The following ZNF804B variants were observed in gnomAD, a reference collection of about 807,000 sequenced individuals.
The protein encoded by ZNF804B is zinc finger protein 804B.
Under a neutral mutation model 101.4 loss-of-function variants are expected in ZNF804B, and 80 were observed. The ratio of observed to expected loss-of-function variants is 0.79; its 90% CI spans 0.66 to 0.95. The LOEUF (loss-of-function observed/expected upper bound fraction) is 0.95, where lower values mean the gene tolerates loss of function less well. Among genes scored for constraint, ZNF804B ranks in the 40% least tolerant of loss-of-function variants. The probability of loss-of-function intolerance (pLI) is 0.00; values close to 1 mark genes in which losing one functional copy is unlikely to be tolerated. For missense variants in ZNF804B, 1,673 were observed against 1,561.9 expected (o/e 1.07, Z -1.20); for synonymous variants, 622 against 558.8 (o/e 1.11, Z -1.59).
At chr7:89,036,693 A>C (rs1471846413) in intron 1 of ZNF804B, among the ~76,000 whole-genome samples, 3 of 152,102 alleles carry the variant, frequency 2.0e-5, no homozygotes, top group East Asian at 1.9e-4. Flanking sequence ...TGGTGTGGAC[A>C]CCTGATTTCC....
intron 1 of ZNF804B, among the ~76,000 whole-genome samples, chr7:88,809,396 AACCTACCT>A (rs1790747472): frequency 1.3e-5 from 2 of 151,498 alleles, no homozygotes; most frequent in African/African-American, 2.4e-5. Context: ...CCAATCTACC[AACCTACCT>A]ACCTATCTAC....
intron 1 of ZNF804B, among the ~76,000 whole-genome samples, chr7:88,927,886 TCTTCTTATAA>T (rs2116012665): frequency 6.6e-6 from 1 of 152,250 alleles, no homozygotes; most frequent in Non-Finnish European, 1.5e-5. Context: ...CATGTTTAAT[TCTTCTTATAA>T]CTGAATTAAT....
intron 1 of ZNF804B, among the ~76,000 whole-genome samples, chr7:88,960,780 A>G (rs539883279): frequency 5.9e-5 from 9 of 151,508 alleles, no homozygotes; most frequent in South Asian, 2.1e-4. Context: ...CTTACATGAT[A>G]TAATTAGTGT....
At chr7:88,787,523 A>G (rs1170144285) in intron 1 of ZNF804B, among the ~76,000 whole-genome samples, 1 of 152,172 alleles carries the variant, frequency 6.6e-6, no homozygotes, top group Non-Finnish European at 1.5e-5. Context: ...TGAGGTTTGC[A>G]CAGTTTTGTT....
At chr7:88,910,767 G>A (rs926291560) in intron 1 of ZNF804B, among the ~76,000 whole-genome samples, 2 of 151,824 alleles carry the variant, frequency 1.3e-5, no homozygotes, top group East Asian at 1.9e-4. Flanking sequence ...CAATGCAAGC[G>A]TGATTGAAGA....
At chr7:89,095,141 T>A (rs1583983081) in intron 1 of ZNF804B, among the ~76,000 whole-genome samples, 1 of 152,272 alleles carries the variant, frequency 6.6e-6, no homozygotes, top group East Asian at 1.9e-4. Flanking sequence ...GATAGAAGCA[T>A]GAGCCCTCCA....
intron 1 of ZNF804B, among the ~76,000 whole-genome samples, chr7:89,003,987 A>C (rs978331282): frequency 6.6e-6 from 1 of 151,670 alleles, no homozygotes. Context: ...TGTTTATTTA[A>C]ATTAAAAAGT....
intron 1 of ZNF804B, among the ~76,000 whole-genome samples, chr7:89,092,447 C>T (rs1455392412): frequency 1.7e-5 from 2 of 118,294 alleles, no homozygotes; most frequent in Non-Finnish European, 3.3e-5. Flanking sequence ...GAGTCTCACT[C>T]TCTTGCCCAG....
At chr7:89,126,671 T>C (rs1160624825) in intron 1 of ZNF804B, among the ~76,000 whole-genome samples, 1 of 151,820 alleles carries the variant, frequency 6.6e-6, no homozygotes, top group Non-Finnish European at 1.5e-5. Context: ...GTGGTGGCCC[T>C]TTTATTTTTG....
intron 2 of ZNF804B, among the ~76,000 whole-genome samples, chr7:89,282,072 G>A (rs1046142931): frequency 6.6e-6 from 1 of 151,882 alleles, no homozygotes; most frequent in Non-Finnish European, 1.5e-5. Flanking sequence ...GTGGTGGCGG[G>A]CGCCTGTAGT....
chr7:89,333,249 A>T, intron 3 of ZNF804B, 114 bp from the exon 4 acceptor site: 2 of 1,022,500 alleles, frequency 2.0e-6, no homozygotes, highest in East Asian at 5.3e-5. Context: ...GTTTTAGAAG[A>T]TGTAGCTCAT....
intron 1 of ZNF804B, among the ~76,000 whole-genome samples, chr7:88,802,064 A>G (rs1790600319): frequency 6.6e-6 from 1 of 152,040 alleles, no homozygotes; most frequent in Admixed American, 6.6e-5. Flanking sequence ...GGGAATTCTC[A>G]GGAAATCTGA....
intron 1 of ZNF804B, among the ~76,000 whole-genome samples, chr7:88,827,432 GT>G (rs5885640): frequency 0.33 from 48,398 of 147,474 alleles, 8,941 homozygotes; most frequent in East Asian, 0.71. Context: ...ACATATATGT[GT>G]TTTTTTTTTT....
intron 3 of ZNF804B, among the ~76,000 whole-genome samples, chr7:89,329,267 T>A (rs1279254391): frequency 6.6e-6 from 1 of 151,760 alleles, no homozygotes; most frequent in African/African-American, 2.4e-5. Flanking sequence ...GAAAATAATT[T>A]TTTTTTATCG....
chr7:89,219,713 A>G lies in ZNF804B; in HGVS notation c.249+1418A>G, dbSNP rs1788952528. ...ACAAGGTACACATTCCTGATACCAA[A>G]TGGACCTGGCATGTTGGAATGTGTG... On this transcript the variant is annotated intron_variant, in intron 2 of 3. Coordinates refer to ENST00000333190, the MANE Select transcript of ZNF804B (RefSeq NM_181646.5). 2.3e-5 allele frequency among the ~76,000 whole-genome samples: 3 copies of G among 128,802 alleles called. No homozygotes were observed. The Admixed American group carries it at 2.4e-4, about 10-fold the overall frequency. The allele number at this position is 128,802 out of a possible 152,430, so 84.5% of individuals were successfully genotyped here.
chr7:88,965,324 G>A (rs1793438829), intron 1 of ZNF804B, among the ~76,000 whole-genome samples: 2 of 151,318 alleles, frequency 1.3e-5, no homozygotes, highest in Admixed American at 6.6e-5. Flanking sequence ...CTTTGTTTTG[G>A]AAGCTGGAAT....
At chr7:89,300,581 C>G (rs1014249054) in intron 2 of ZNF804B, among the ~76,000 whole-genome samples, 1 of 151,740 alleles carries the variant, frequency 6.6e-6, no homozygotes, top group Non-Finnish European at 1.5e-5. Flanking sequence ...AAGTCCTGAA[C>G]TGGGGAAGAT....
At chr7:88,963,996 G>T (rs1793423291) in intron 1 of ZNF804B, among the ~76,000 whole-genome samples, 1 of 151,258 alleles carries the variant, frequency 6.6e-6, no homozygotes, top group South Asian at 2.1e-4. Context: ...ATTACTAAAA[G>T]AAAGCTGAAC....
intron 1 of ZNF804B, among the ~76,000 whole-genome samples, chr7:89,154,729 G>T (rs1326926666): frequency 6.6e-6 from 1 of 152,048 alleles, no homozygotes; most frequent in East Asian, 1.9e-4. Flanking sequence ...GTAATGGGGG[G>T]CTGGGAGGGA....
Sources: gnomAD v4.1 joint callset for allele counts (sites outside exome capture counted in the v4.1 genomes callset) on GRCh38, gnomAD v4.1.1 for gene constraint, MANE v1.5 for transcripts, NCBI Gene and HGNC (gene_info 2026-07-23, HGNC 2026-07-21) for gene names.